Variants in PCNT observed in about 807,000 individuals in gnomAD.
The protein encoded by PCNT is kendrin.
Under a neutral mutation model 380.4 loss-of-function variants are expected in PCNT, and 319 were observed. The ratio of observed to expected loss-of-function variants is 0.84; its 90% confidence interval spans 0.77 to 0.92. PCNT has a LOEUF of 0.92. Among genes scored for constraint, PCNT ranks in the 40% least tolerant of loss-of-function variants. The probability of loss-of-function intolerance (pLI) is 0.00; values close to 1 mark genes in which losing one functional copy is unlikely to be tolerated. For missense variants in PCNT, 4,400 were observed against 4,255.3 expected, an observed-to-expected ratio of 1.03 and a Z score of -0.95; for synonymous variants, 1,845 against 1,735.2, an observed-to-expected ratio of 1.06 and a Z score of -1.57.
intron 15 of PCNT, among the ~76,000 whole-genome samples, chr21:46,375,052 A>T (rs1375300833): frequency 6.6e-6 from 1 of 152,114 alleles, no homozygotes; most frequent in Non-Finnish European, 1.5e-5. Context: ...GGGTGATTGG[A>T]TTACTTTCCG....
intron 1 of PCNT, among the ~76,000 whole-genome samples, chr21:46,325,744 G>C (rs775396309): frequency 6.6e-5 from 10 of 152,212 alleles, no homozygotes; most frequent in Admixed American, 1.3e-4. Context: ...GGGAGATGAG[G>C]CTCGCACATA....
intron 16 of PCNT, among the ~76,000 whole-genome samples, chr21:46,384,739 C>G (rs181167624): frequency 7.1e-6 from 1 of 140,132 alleles, no homozygotes; most frequent in African/African-American, 2.6e-5. Flanking sequence ...TGGTGTTGTG[C>G]GTTGAGCGGC....
chr21:46,389,707 A>G (rs1364126392), intron 19 of PCNT, among the ~76,000 whole-genome samples: 1 of 152,190 alleles, frequency 6.6e-6, no homozygotes, highest in African/African-American at 2.4e-5. Context: ...ATCACTAAGA[A>G]AGGAAATTTT....
intron 31 of PCNT, among the ~76,000 whole-genome samples, chr21:46,419,875 G>A (rs956720920): frequency 6.6e-6 from 1 of 152,194 alleles, no homozygotes; most frequent in Non-Finnish European, 1.5e-5. Flanking sequence ...CAAAGTGCTG[G>A]GATTACAGGC....
chr21:46,404,496 C>T (rs1254636966), intron 27 of PCNT, among the ~76,000 whole-genome samples: 1 of 152,236 alleles, frequency 6.6e-6, no homozygotes, highest in East Asian at 1.9e-4. Context: ...ACGCCACTCC[C>T]TGGTGCTGGG....
intron 27 of PCNT, among the ~76,000 whole-genome samples, chr21:46,410,214 T>G (rs149706015): frequency 2.6e-4 from 39 of 151,200 alleles, no homozygotes; most frequent in African/African-American, 7.2e-4. Flanking sequence ...ATGCATGGTG[T>G]TGTTCATCGG....
At chr21:46,435,081 G>T (rs949493738) in intron 38 of PCNT, among the ~76,000 whole-genome samples, 3 of 152,210 alleles carry the variant, frequency 2.0e-5, no homozygotes, top group Non-Finnish European at 4.4e-5. Context: ...ACAGCACGAG[G>T]GTGTGCAGTG....
chr21:46,352,422 C>A (rs1361067601), intron 9 of PCNT, among the ~76,000 whole-genome samples: 2 of 152,172 alleles, frequency 1.3e-5, no homozygotes, highest in African/African-American at 4.8e-5. Context: ...ACAGGCACAG[C>A]TGCTCCCCGC....
chr21:46,407,308 A>G (rs1233619667), intron 27 of PCNT, among the ~76,000 whole-genome samples: 1 of 148,888 alleles, frequency 6.7e-6, no homozygotes, highest in Non-Finnish European at 1.5e-5. Context: ...AAAATTGTCA[A>G]ATTTCTTTGC....
intron 15 of PCNT, among the ~76,000 whole-genome samples, chr21:46,370,226 G>GT (rs1396914476): frequency 6.6e-6 from 1 of 151,178 alleles, no homozygotes; most frequent in African/African-American, 2.4e-5. Context: ...TGGGCATCCG[G>GT]GGGGGGGTGT....
Position 46,416,387 on chromosome 21 carries a change from G to T in PCNT, c.6469G>T (p.Gly2157Trp). 6.2e-7 allele frequency: 1 copy of T among 1,614,156 alleles called. No homozygotes were observed. The highest frequency in any genetic ancestry group is 2.2e-5 in the East Asian group (1 of 44,878). ...IDACDANTTPGGVTDVIKNWD... is the reference protein window; with the variant it reads ...IDACDANTTPWGVTDVIKNWD... ...CGCGTGTGATGCCAATACAACCCCA[G>T]GGGGTGTAACTGATGTTATCAAAAA... is the stretch of plus-strand genomic sequence containing the variant. The change falls in exon 30 of 47, where the codon GGG becomes TGG. Residue 2157 changes from glycine to tryptophan, a missense_variant. Gly to Trp is a radical substitution (Grantham distance 184). Transcript: ENST00000359568.
intron 15 of PCNT, among the ~76,000 whole-genome samples, chr21:46,380,083 TG>T (rs1459428092): frequency 6.6e-6 from 1 of 151,372 alleles, no homozygotes; most frequent in Admixed American, 6.6e-5. Context: ...GTTTCTCTAC[TG>T]TGGGCAGTGC....
rs751903725 is a variant in PCNT, at chr21:46,412,062, C to G, written c.5989C>G (p.Pro1997Ala). 1.2e-6 allele frequency: 2 copies of G among 1,606,548 alleles called. No homozygotes were observed. Among genetic ancestry groups the G allele is most frequent in the Non-Finnish European group, 1.7e-6 (2 of 1,179,790 alleles). Residue 1997 changes from proline to alanine, a missense_variant, in exon 28 of 47, where the codon CCA becomes GCA. Coordinates refer to ENST00000359568, the MANE Select transcript of PCNT (RefSeq NM_006031.6). ...TGCTTTGGAGCCGGTTGTCCCTGAC[C>G]CACAGGTGGGCTCCCCCCGCGGGCC... ...DAALEPVVPD[P>A]QGDLQPVLVT...
intron 39 of PCNT, 110 bp from the exon 40 acceptor site, chr21:46,436,869 G>C: frequency 2.4e-6 from 2 of 818,724 alleles, no homozygotes; most frequent in Admixed American, 3.9e-5. Context: ...TCACACACAG[G>C]CTCCTCAGAA....
chr21:46,411,768 G>T lies in PCNT; in HGVS notation c.5695G>T (p.Ala1899Ser), dbSNP rs896223697. 6.2e-7 allele frequency: 1 copy of T among 1,607,470 alleles called. No individual in the cohort carries two copies. Among genetic ancestry groups the T allele is most frequent in the Admixed American group, 1.7e-5 (1 of 59,812 alleles). Reference protein sequence around the residue: ...AELEAVLLALARIRRALEQQP... With the variant: ...AELEAVLLALSRIRRALEQQP... Reference sequence around the variant, plus strand: ...GCTGGAGGCCGTCCTGTTGGCCTTGGCCCGCATCCGCCGCGCCCTGGAGCA... The same window carrying T: ...GCTGGAGGCCGTCCTGTTGGCCTTGTCCCGCATCCGCCGCGCCCTGGAGCA... The change falls in exon 28 of 47, where the codon GCC becomes TCC. Residue 1899 changes from alanine to serine, a missense_variant. By Grantham distance (99) the Ala-to-Ser change is moderately conservative. Transcript: ENST00000359568.
intron 35 of PCNT, among the ~76,000 whole-genome samples, chr21:46,429,071 C>A (rs1468095248): frequency 3.3e-5 from 5 of 152,204 alleles, no homozygotes; most frequent in Non-Finnish European, 5.9e-5. Flanking sequence ...CTCGTACCAT[C>A]GCATGTGGGG....
intron 32 of PCNT, among the ~76,000 whole-genome samples, chr21:46,424,013 G>GAGC (rs1467412725): frequency 4.6e-5 from 7 of 152,156 alleles, no homozygotes; most frequent in African/African-American, 7.2e-5. Context: ...TTAGAGTGTG[G>GAGC]AGCCCTGGGG....
At chr21:46,345,051 T>C (rs759239247) in intron 3 of PCNT, among the ~76,000 whole-genome samples, 12 of 152,206 alleles carry the variant, frequency 7.9e-5, no homozygotes, top group Non-Finnish European at 1.8e-4. Flanking sequence ...TGTCTCTAGA[T>C]TGGTTTACCT....
chr21:46,345,286 C>A (rs1350691672), intron 3 of PCNT, among the ~76,000 whole-genome samples: 2 of 152,076 alleles, frequency 1.3e-5, no homozygotes, highest in African/African-American at 4.8e-5. Flanking sequence ...GGTGTGATCT[C>A]AGCTCACTGC....
Sources: allele counts gnomAD v4.1 joint callset (sites outside exome capture counted in the v4.1 genomes callset), GRCh38; gene constraint gnomAD v4.1.1; transcripts MANE v1.5; gene names NCBI Gene and HGNC (gene_info 2026-07-23, HGNC 2026-07-21).